Variants in KCNIP4 observed in about 807,000 individuals in gnomAD.
The protein encoded by KCNIP4 is potassium voltage-gated channel interacting protein 4, also known as Kv channel-interacting protein 4.
A neutral mutation model predicts 34.0 loss-of-function variants in KCNIP4; 12 were observed. That is an observed-to-expected ratio of 0.35 (90% CI 0.23 to 0.57). The LOEUF (loss-of-function observed/expected upper bound fraction) is 0.57, where lower values mean the gene tolerates loss of function less well. Among genes scored for constraint, KCNIP4 ranks in the 20% least tolerant of loss-of-function variants. The pLI is 0.83. For missense variants in KCNIP4, 238 were observed against 311.7 expected (o/e 0.76, Z 1.78); for synonymous variants, 124 against 102.2 (o/e 1.21, Z -1.29).
At chr4:21,621,819 T>C (rs1745017485) in intron 1 of KCNIP4, among the ~76,000 whole-genome samples, 1 of 152,178 alleles carries the variant, frequency 6.6e-6, no homozygotes, top group Non-Finnish European at 1.5e-5. Flanking sequence ...GATTCACCTA[T>C]TGTTAATACT....
At chr4:21,048,389 C>T (rs1353993412) in intron 1 of KCNIP4, among the ~76,000 whole-genome samples, 1 of 152,156 alleles carries the variant, frequency 6.6e-6, no homozygotes, top group Non-Finnish European at 1.5e-5. Context: ...CACCAGTCAA[C>T]TGACCAGAAC....
At chr4:20,985,575 G>A (rs186319565) in intron 1 of KCNIP4, among the ~76,000 whole-genome samples, 1 of 152,280 alleles carries the variant, frequency 6.6e-6, no homozygotes, top group Admixed American at 6.5e-5. Context: ...TTATTCATTA[G>A]CATTTATTAA....
intron 1 of KCNIP4, among the ~76,000 whole-genome samples, chr4:20,936,807 C>G (rs2149610919): frequency 6.6e-6 from 1 of 152,280 alleles, no homozygotes. Context: ...TAAAATTTAG[C>G]CAAAGGCTGG....
chr4:21,649,738 A>AAGCCTTGC (rs1747326481), intron 1 of KCNIP4, among the ~76,000 whole-genome samples: 2 of 152,208 alleles, frequency 1.3e-5, no homozygotes, highest in African/African-American at 4.8e-5. Flanking sequence ...GAAGCCTTGC[A>AAGCCTTGC]AAGTGACATT....
chr4:21,214,902 T>C (rs138077118), intron 1 of KCNIP4, among the ~76,000 whole-genome samples: 16 of 152,292 alleles, frequency 1.1e-4, no homozygotes, highest in Non-Finnish European at 2.2e-4. Flanking sequence ...GGCAAACTTT[T>C]TGTAGAGGTT....
intron 1 of KCNIP4, among the ~76,000 whole-genome samples, chr4:21,091,376 C>G (rs183800254): frequency 6.6e-6 from 1 of 152,050 alleles, no homozygotes; most frequent in East Asian, 1.9e-4. Context: ...CATTTTATAT[C>G]TCTCTTCATT....
chr4:21,584,738 T>C (rs1268214820), intron 1 of KCNIP4, among the ~76,000 whole-genome samples: 1 of 152,100 alleles, frequency 6.6e-6, no homozygotes, highest in Non-Finnish European at 1.5e-5. Context: ...AAGCTTGATT[T>C]CTTTCCACTA....
At chr4:21,310,331 C>A (rs1713014363) in intron 1 of KCNIP4, among the ~76,000 whole-genome samples, 1 of 151,790 alleles carries the variant, frequency 6.6e-6, no homozygotes, top group Non-Finnish European at 1.5e-5. Context: ...CCACCACACC[C>A]AGCCTTGCCA....
chr4:21,566,154 C>G (rs1409456089), intron 1 of KCNIP4, among the ~76,000 whole-genome samples: 2 of 152,148 alleles, frequency 1.3e-5, no homozygotes, highest in Non-Finnish European at 2.9e-5. Context: ...AATCAAGAGA[C>G]AGGGCGGAGC....
intron 1 of KCNIP4, among the ~76,000 whole-genome samples, chr4:21,264,078 G>T (rs748601243): frequency 6.6e-6 from 1 of 152,084 alleles, no homozygotes; most frequent in African/African-American, 2.4e-5. Flanking sequence ...TGACTGCAAA[G>T]CTCATGTTCT....
At chr4:20,960,615 G>T (rs61457451) in intron 1 of KCNIP4, among the ~76,000 whole-genome samples, 1 of 152,136 alleles carries the variant, frequency 6.6e-6, no homozygotes, top group South Asian at 2.1e-4. Flanking sequence ...CAATCCCCTC[G>T]TCCTGAGAAG....
At chr4:20,944,399 G>T (rs1479181275) in intron 1 of KCNIP4, among the ~76,000 whole-genome samples, 1 of 152,166 alleles carries the variant, frequency 6.6e-6, no homozygotes, top group Non-Finnish European at 1.5e-5. Flanking sequence ...TTCACTCAAG[G>T]TGACTACTGA....
chr4:20,950,635 C>CT (rs537356143), intron 1 of KCNIP4, among the ~76,000 whole-genome samples: 60 of 152,010 alleles, frequency 3.9e-4, no homozygotes, highest in Non-Finnish European at 7.1e-4. Context: ...GCTTTTCCCC[C>CT]TTTGTAGGTT....
chr4:21,570,888 G>A (rs891270752), intron 1 of KCNIP4, among the ~76,000 whole-genome samples: 24 of 151,964 alleles, frequency 1.6e-4, no homozygotes, highest in Admixed American at 5.2e-4. Context: ...ATTTTATATG[G>A]GAAGTAACTG....
intron 1 of KCNIP4, among the ~76,000 whole-genome samples, chr4:21,017,550 C>A (rs1360129037): frequency 6.6e-6 from 1 of 152,128 alleles, no homozygotes; most frequent in African/African-American, 2.4e-5. Flanking sequence ...CATAGTATTC[C>A]ATGGTGTGTC....
intron 1 of KCNIP4, among the ~76,000 whole-genome samples, chr4:21,186,262 G>A (rs1755222368): frequency 6.6e-6 from 1 of 152,150 alleles, no homozygotes; most frequent in Non-Finnish European, 1.5e-5. Context: ...CAGTGACTTT[G>A]TGAAAGAAGT....
intron 1 of KCNIP4, among the ~76,000 whole-genome samples, chr4:21,490,638 A>G (rs1284218605): frequency 6.6e-6 from 1 of 152,198 alleles, no homozygotes; most frequent in Non-Finnish European, 1.5e-5. Context: ...TAAAACCACA[A>G]AAAGCCCAGA....
intron 1 of KCNIP4, among the ~76,000 whole-genome samples, chr4:21,888,923 A>T (rs531771796): frequency 2.2e-4 from 34 of 152,288 alleles, no homozygotes; most frequent in Non-Finnish European, 4.3e-4. Flanking sequence ...CAAGTTAAGC[A>T]TATCGAATCT....
intron 1 of KCNIP4, among the ~76,000 whole-genome samples, chr4:21,454,876 G>A (rs1728790751): frequency 6.6e-6 from 1 of 152,000 alleles, no homozygotes; most frequent in Non-Finnish European, 1.5e-5. Context: ...AAAGATACAG[G>A]GGTAGGAATC....
Sources: gnomAD v4.1 joint callset for allele counts (sites outside exome capture counted in the v4.1 genomes callset) on GRCh38, gnomAD v4.1.1 for gene constraint, MANE v1.5 for transcripts, NCBI Gene and HGNC (gene_info 2026-07-23, HGNC 2026-07-21) for gene names.